Variants in PMEPA1 observed in about 807,000 individuals in gnomAD.
PMEPA1 encodes the protein protein TMEPAI.
Under a neutral mutation model 23.0 loss-of-function variants are expected in PMEPA1, and 11 were observed. The observed-to-expected ratio is 0.48, with a 90% CI of 0.30 to 0.79. PMEPA1 has a LOEUF of 0.79. Ranked by LOEUF, PMEPA1 falls within the 30% of genes least tolerant of loss-of-function variation. The probability of loss-of-function intolerance (pLI) is 0.06; values close to 1 mark genes in which losing one functional copy is unlikely to be tolerated. For missense variants in PMEPA1, 377 were observed against 390.9 expected, an observed-to-expected ratio of 0.96 and a Z score of 0.30; for synonymous variants, 204 against 166.4, an observed-to-expected ratio of 1.23 and a Z score of -1.74.
chr20:57,697,485 A>C (rs2146705778), intron 1 of PMEPA1, among the ~76,000 whole-genome samples: 1 of 152,356 alleles, frequency 6.6e-6, no homozygotes, highest in Middle Eastern at 3.4e-3. Flanking sequence ...TGGATTCTAC[A>C]GGGTTACTGG....
Position 57,698,802 on chromosome 20 carries a change from C to T in PMEPA1, c.109+10672G>A, listed in dbSNP as rs569944251. Among the ~76,000 whole-genome samples, 21 of 152,198 alleles carry T rather than the reference C, an allele frequency of 1.4e-4. No individual in the cohort carries two copies. The South Asian group carries it at 3.3e-3, about 24-fold the overall frequency. On this transcript the variant is annotated intron_variant, in intron 1 of 3. Transcript: ENST00000341744. ...TTGCAGAAATCCTAAGAAGTCAGCA[C>T]GTACATATAGAGGCACACACACACA...
At chr20:57,697,499 A>G (rs2071956747) in intron 1 of PMEPA1, among the ~76,000 whole-genome samples, 1 of 152,238 alleles carries the variant, frequency 6.6e-6, no homozygotes, top group Non-Finnish European at 1.5e-5. Context: ...TTACTGGCAA[A>G]TTTCTCCTCC....
At chr20:57,679,716 AGG>A (rs981369574) in intron 1 of PMEPA1, among the ~76,000 whole-genome samples, 1 of 151,718 alleles carries the variant, frequency 6.6e-6, no homozygotes, top group Non-Finnish European at 1.5e-5. Context: ...TTATGCTGGA[AGG>A]GGGTGGTCAC....
At position 57,709,900 on chromosome 20, in the gene PMEPA1, T is replaced by TC; in HGVS notation, c.-319dup. ...GGGGCTGAGCCTCTGCCGCTAGCTT[T>TC]CCCCAGCCGAGCGCCTCCGCCGCCG... is the stretch of plus-strand genomic sequence containing the variant. On this transcript the variant is annotated 5_prime_UTR_variant, in exon 1 of 4. The change abolishes the stop of an existing upstream ORF in the 5' untranslated region. Transcript: ENST00000341744. 1 of 1,005,222 alleles carries TC rather than the reference T, an allele frequency of 9.9e-7. No individual in the cohort carries two copies. The highest frequency in any genetic ancestry group is 1.2e-6 in the Non-Finnish European group (1 of 847,096). The allele number at this position is 1,005,222 out of a possible 1,614,324, so 62.3% of individuals were successfully genotyped here.
Position 57,709,654 on chromosome 20 carries a change from G to A in PMEPA1, c.-72C>T. The stretch of plus-strand genomic sequence containing the variant: ...CCGGGGGGGGCTCCGGCCGGCGCCC[G>A]GAGCTGGGGCCCCGCATGCAGGAGG... On this transcript the variant is annotated 5_prime_UTR_variant, in exon 1 of 4. Coordinates refer to ENST00000341744, the MANE Select transcript of PMEPA1 (RefSeq NM_020182.5). The A allele has an allele frequency of 2.1e-6, 2 of 975,598 alleles. No individual in the cohort carries two copies. The highest frequency in any genetic ancestry group is 2.4e-6 in the Non-Finnish European group (2 of 823,392). 60.4% of individuals were successfully genotyped at this position (975,598 alleles called of 1,614,324 possible). A position where few individuals can be genotyped will look rare whatever the true frequency, so the allele number is the denominator to read the frequency against.
intron 2 of PMEPA1, among the ~76,000 whole-genome samples, chr20:57,659,166 T>G (rs3795117): frequency 6.6e-6 from 1 of 151,858 alleles, no homozygotes; most frequent in South Asian, 2.1e-4. Flanking sequence ...CTATCACCAC[T>G]GGGCGTCTCA....
At chr20:57,680,700 T>G (rs1007369275) in intron 1 of PMEPA1, among the ~76,000 whole-genome samples, 1 of 152,182 alleles carries the variant, frequency 6.6e-6, no homozygotes, top group African/African-American at 2.4e-5. Flanking sequence ...TAACAACAAC[T>G]TAGTCTAAAA....
chr20:57,695,792 C>T (rs1312724499), intron 1 of PMEPA1, among the ~76,000 whole-genome samples: 1 of 152,118 alleles, frequency 6.6e-6, no homozygotes, highest in Non-Finnish European at 1.5e-5. Context: ...GGCAGCTTAG[C>T]GGGCTTAACT....
chr20:57,672,170 TTAA>T (rs1342105762), intron 1 of PMEPA1, among the ~76,000 whole-genome samples: 3 of 152,290 alleles, frequency 2.0e-5, no homozygotes, highest in Non-Finnish European at 4.4e-5. Flanking sequence ...TTTTTAAATC[TTAA>T]TAACATACCA....
intron 1 of PMEPA1, among the ~76,000 whole-genome samples, chr20:57,698,071 T>C (rs189160745): frequency 6.6e-6 from 1 of 152,332 alleles, no homozygotes; most frequent in East Asian, 1.9e-4. Context: ...CTGTGGCTTA[T>C]GACTTGAAAC....
intron 1 of PMEPA1, chr20:57,690,500 G>A: frequency 7.7e-7 from 1 of 1,301,194 alleles, no homozygotes; most frequent in Non-Finnish European, 1.0e-6. Context: ...ACAATCAGAA[G>A]AGCCATGCTA....
rs2071209920 is a variant in PMEPA1 at position 57,650,473 on chromosome 20, C to A, written c.*1580G>T. ...TCACCTCTATTTACGCTCACATGCC[C>A]CTTCCTGTCCTTCACCTGCACGTCA... On this transcript the variant is annotated 3_prime_UTR_variant, in exon 4 of 4. Transcript: ENST00000341744. 2 of 152,456 alleles carry A rather than the reference C, an allele frequency of 1.3e-5. No individual in the cohort carries two copies. The allele number at this position is 152,456 out of a possible 1,614,324, so 9.4% of individuals were successfully genotyped here. A position where few individuals can be genotyped will look rare whatever the true frequency, so the allele number is the denominator to read the frequency against.
intron 1 of PMEPA1, among the ~76,000 whole-genome samples, chr20:57,675,170 C>A (rs1050140562): frequency 6.1e-5 from 9 of 146,508 alleles, no homozygotes; most frequent in African/African-American, 2.3e-4. Context: ...TCCACCCGTC[C>A]CGCCCAGAAA....
At chr20:57,703,447 C>T (rs2072037973) in intron 1 of PMEPA1, among the ~76,000 whole-genome samples, 2 of 152,226 alleles carry the variant, frequency 1.3e-5, no homozygotes, top group Non-Finnish European at 2.9e-5. Context: ...GTTGACCTCA[C>T]GGCCCCAGTT....
chr20:57,648,854 T>C lies in PMEPA1; in HGVS notation c.*3199A>G, dbSNP rs2071182165. ...TAGGAAAAAAAATTTCTCTGAAACG[T>C]ACAATTCATAGGGACGACCAATGAG... On this transcript the variant is annotated 3_prime_UTR_variant, in exon 4 of 4. Coordinates refer to ENST00000341744, the MANE Select transcript of PMEPA1 (RefSeq NM_020182.5). 1 of 152,130 alleles carries C rather than the reference T, an allele frequency of 6.6e-6. No individual in the cohort carries two copies. Among genetic ancestry groups the C allele is most frequent in the African/African-American group, 2.4e-5 (1 of 41,406 alleles). The allele number at this position is 152,130 out of a possible 1,614,324, so 9.4% of individuals were successfully genotyped here. A position where few individuals can be genotyped will look rare whatever the true frequency, so the allele number is the denominator to read the frequency against.
chr20:57,663,423 G>T (rs921316008), intron 1 of PMEPA1, among the ~76,000 whole-genome samples: 1 of 152,070 alleles, frequency 6.6e-6, no homozygotes, highest in African/African-American at 2.4e-5. Context: ...GCGGGGGGAC[G>T]GTGGGCAGCA....
chr20:57,652,423 C>G lies in PMEPA1; in HGVS notation c.494G>C (p.Cys165Ser), dbSNP rs1229183198. ...CTCGGGGTCCCGAAGCTGGAGGGTG[C>G]AGGGGCCCTGGTAGGGTGGGGGCTC... ...GEEPPPYQGP[C>S]TLQLRDPEQQ... The change falls in exon 4 of 4, where the codon TGC (cysteine) becomes TCC (serine). Residue 165 changes from cysteine (C) to serine (S), a missense_variant. This residue lies in a region of PMEPA1 where 176 missense variants were observed against 173.0 expected (regional missense o/e 1.02). Coordinates refer to ENST00000341744, the MANE Select transcript of PMEPA1 (RefSeq NM_020182.5). The surrounding 1 kb of genome is among the most constrained non-coding windows in gnomAD (Gnocchi z 6.1). 1 of 1,613,690 alleles carries G rather than the reference C, an allele frequency of 6.2e-7. No individual in the cohort carries two copies.
intron 1 of PMEPA1, among the ~76,000 whole-genome samples, chr20:57,707,326 A>T (rs1366144445): frequency 1.3e-5 from 2 of 152,198 alleles, no homozygotes; most frequent in Non-Finnish European, 2.9e-5. Context: ...CTCTCGGGGA[A>T]ATCTGATGAA....
At chr20:57,668,654 A>G (rs2071526481) in intron 1 of PMEPA1, among the ~76,000 whole-genome samples, 2 of 152,208 alleles carry the variant, frequency 1.3e-5, no homozygotes. Flanking sequence ...AACTCTGGAT[A>G]TTTTCAGGTG....
Sources: allele counts gnomAD v4.1 joint callset (sites outside exome capture counted in the v4.1 genomes callset), GRCh38; gene constraint gnomAD v4.1.1; regional missense constraint gnomAD v4.1.1; non-coding constraint Gnocchi (gnomAD v3.1); transcripts MANE v1.5; gene names NCBI Gene and HGNC (gene_info 2026-07-23, HGNC 2026-07-21).